The following ZNF800 variants were observed in gnomAD, a reference collection of about 807,000 sequenced individuals.
ZNF800 encodes the protein zinc finger protein 800.
A neutral mutation model predicts 59.5 loss-of-function variants in ZNF800; 13 were observed. That is an observed-to-expected ratio of 0.22 (90% confidence interval 0.14 to 0.35). The LOEUF (loss-of-function observed/expected upper bound fraction) is 0.35. Ranked by LOEUF, ZNF800 falls within the 10% of genes least tolerant of loss-of-function variation. ZNF800 has a pLI of 1.00. For missense variants in ZNF800, 621 were observed against 783.7 expected (o/e 0.79, Z 2.48); for synonymous variants, 266 against 265.7 (o/e 1.00, Z -0.01).
At position 127,377,202 on chromosome 7, in the gene ZNF800, A is replaced by G. The variant is rs1191167063; in HGVS notation, c.285T>C (p.Ser95=). 17 of 1,611,136 alleles carry G rather than the reference A, an allele frequency of 1.1e-5. No individual in the cohort carries two copies. Among genetic ancestry groups the G allele is most frequent in the Admixed American group, 1.7e-5 (1 of 59,776 alleles). Residue 95 remains serine, a synonymous_variant, in exon 4 of 6, where the codon AGT becomes AGC. Transcript: ENST00000265827. The surrounding 1 kb of genome is among the most constrained non-coding windows in gnomAD (Gnocchi z 4.7). ...ITHKKFYCPP[S]LQMDDNLPDV... ...AAAACTTACTGTCATCCATCTGGAGACTTGGTGGGCAGTAGAATTTTTTAT... is the reference window on the plus strand; with the variant it reads ...AAAACTTACTGTCATCCATCTGGAGGCTTGGTGGGCAGTAGAATTTTTTAT...
intron 2 of ZNF800, 149 bp from the exon 3 acceptor site, chr7:127,386,304 G>GAT (rs751355059): frequency 5.9e-5 from 26 of 436,998 alleles, no homozygotes; most frequent in East Asian, 1.8e-4. Flanking sequence ...ATAATATGTA[G>GAT]ATATATATAT....
In ZNF800 at chr7:127,374,387, A is replaced by G. The variant is rs1399885341; in HGVS notation, c.949T>C (p.Ser317Pro). Residue 317 changes from serine (S) to proline (P), a missense_variant, in exon 5 of 6, where the codon TCA (serine) becomes CCA (proline). Physicochemically the swap from Ser to Pro is moderately conservative, Grantham distance 74 (BLOSUM62 -1). Transcript: ENST00000265827. Reference sequence around the variant, plus strand: ...TTTGTTGCTATATCAGGAGTAATTGAATCCCTCCTTAGTCCTCTATGAACT... The same window carrying G: ...TTTGTTGCTATATCAGGAGTAATTGGATCCCTCCTTAGTCCTCTATGAACT... ...DEVHRGLRRD[S>P]ITPDIATKPG... 6.2e-7 allele frequency: 1 copy of G among 1,613,928 alleles called. No homozygotes were observed.
Position 127,392,123 on chromosome 7 carries a change from G to A in ZNF800, c.-122C>T. The A allele has an allele frequency of 2.5e-6, 1 of 394,174 alleles. No homozygotes were observed. Among genetic ancestry groups the A allele is most frequent in the Non-Finnish European group, 4.5e-6 (1 of 223,396 alleles). 24.4% of individuals were successfully genotyped at this position (394,174 alleles called of 1,614,324 possible). On this transcript the variant is annotated 5_prime_UTR_variant, in exon 1 of 6. Coordinates refer to ENST00000265827, the MANE Select transcript of ZNF800 (RefSeq NM_176814.5). ...GGAAGGCAGGCCGGGCGGCCGCGGGGACAGCCTGGCGTGGGAGGCGGCTGC... is the reference window on the plus strand; with the variant it reads ...GGAAGGCAGGCCGGGCGGCCGCGGGAACAGCCTGGCGTGGGAGGCGGCTGC...
rs778571409 is a variant in ZNF800, at chr7:127,386,170, A to AAC, written c.62-17_62-16dup. The AAC allele has an allele frequency of 9.9e-6, 15 of 1,519,392 alleles. No individual in the cohort carries two copies. The East Asian group carries it at 3.2e-4, about 32-fold the overall frequency. The allele number at this position is 1,519,392 out of a possible 1,614,324, so 94.1% of individuals were successfully genotyped here. A position where few individuals can be genotyped will look rare whatever the true frequency, so the allele number is the denominator to read the frequency against. The stretch of plus-strand genomic sequence containing the variant: ...CAGGATATAAACTACATGGAAGACA[A>AAC]ACACCCACCCCAATCCCCACAAAAA... On this transcript the variant is annotated splice_polypyrimidine_tract_variant and intron_variant, in intron 2 of 5. Coordinates refer to ENST00000265827, the MANE Select transcript of ZNF800 (RefSeq NM_176814.5).
At position 127,374,665 on chromosome 7, in the gene ZNF800, G is replaced by C. The variant is rs763640734; in HGVS notation, c.671C>G (p.Ser224Cys). The change falls in exon 5 of 6, where the codon TCT (serine) becomes TGT (cysteine). Residue 224 changes from serine to cysteine, a missense_variant. Around this residue, in one of 7 missense-constraint regions of ZNF800, gnomAD observed 218 missense variants for 230.8 expected, o/e 0.94. Coordinates refer to ENST00000265827, the MANE Select transcript of ZNF800 (RefSeq NM_176814.5). ...SQADLETSDN[S>C]DFGHQLICCL... Reference sequence around the variant, plus strand: ...ACATATCAACTGGTGACCAAAATCAGAATTGTCAGAAGTTTCCAAGTCAGC... The same window carrying C: ...ACATATCAACTGGTGACCAAAATCACAATTGTCAGAAGTTTCCAAGTCAGC... 4.3e-6 allele frequency: 7 copies of C among 1,613,912 alleles called. No individual in the cohort carries two copies. The African/African-American group carries it at 9.3e-5, about 22-fold the overall frequency.
downstream of ZNF800, among the ~76,000 whole-genome samples, chr7:127,366,658 A>T (rs1008922370): frequency 6.6e-6 from 1 of 152,188 alleles, no homozygotes; most frequent in Non-Finnish European, 1.5e-5. Context: ...AAAGAAAAAC[A>T]TGTATACTGG....
chr7:127,382,646 T>C (rs1801009983), intron 3 of ZNF800, among the ~76,000 whole-genome samples: 1 of 152,086 alleles, frequency 6.6e-6, no homozygotes, highest in Non-Finnish European at 1.5e-5. Flanking sequence ...GTGGAAAACC[T>C]GCAGCTGCAA....
chr7:127,370,330 T>C lies in ZNF800; in HGVS notation c.*1484A>G, dbSNP rs1485932619. ...AATAAAACATTTAAGTTTCAACCAATGCACCTTTGCTGAAGCACATTTAGC... is the reference window on the plus strand; with the variant it reads ...AATAAAACATTTAAGTTTCAACCAACGCACCTTTGCTGAAGCACATTTAGC... On this transcript the variant is annotated 3_prime_UTR_variant, in exon 6 of 6. Coordinates refer to ENST00000265827, the MANE Select transcript of ZNF800 (RefSeq NM_176814.5). 6.6e-6 allele frequency: 1 copy of C among 152,618 alleles called. No individual in the cohort carries two copies. The highest frequency in any genetic ancestry group is 1.5e-5 in the Non-Finnish European group (1 of 67,998). The allele number at this position is 152,618 out of a possible 1,614,324, so 9.5% of individuals were successfully genotyped here.
chr7:127,373,521 G>T lies in ZNF800; in HGVS notation c.1815C>A (p.Val605=). The T allele has an allele frequency of 1.2e-6, 2 of 1,614,028 alleles. No individual in the cohort carries two copies. Among genetic ancestry groups the T allele is most frequent in the Non-Finnish European group, 1.7e-6 (2 of 1,180,012 alleles). Residue 605 remains valine (V), a synonymous_variant, in exon 5 of 6, where the codon GTC becomes GTA. Transcript: ENST00000265827. ...SPSKKYEVAD[V]GIEVKVTKNF... is the part of the protein sequence containing the mutation. ...TTTTTGTGACTTTTACTTCAATACC[G>T]ACGTCAGCTACTTCATACTTTTTAC...
At position 127,386,350 on chromosome 7, in the gene ZNF800, A is replaced by C. The variant is rs571140012; in HGVS notation, c.62-195T>G. Among the ~76,000 whole-genome samples the C allele has an allele frequency of 2.0e-5, 3 of 152,220 alleles. No individual in the cohort carries two copies. The South Asian group carries it at 6.2e-4, about 31-fold the overall frequency. Reference sequence around the variant, plus strand: ...CATCTTTGTAAGGCAAAATGAAACAATGGAGAAAAAAACTAAAACTATTCT... The same window carrying C: ...CATCTTTGTAAGGCAAAATGAAACACTGGAGAAAAAAACTAAAACTATTCT... On this transcript the variant is annotated intron_variant, in intron 2 of 5. Transcript: ENST00000265827.
intron 3 of ZNF800, 37 bp downstream of exon 3, chr7:127,386,023 T>A: frequency 6.9e-7 from 1 of 1,451,402 alleles, no homozygotes; most frequent in South Asian, 1.2e-5. Flanking sequence ...TTAACTACTA[T>A]GTGAAGATTG....
downstream of ZNF800, among the ~76,000 whole-genome samples, chr7:127,344,478 C>T (rs1329017343): frequency 6.6e-6 from 1 of 151,892 alleles, no homozygotes; most frequent in African/African-American, 2.4e-5. Context: ...CAATTCCAAA[C>T]AAAATGGCAA....
At chr7:127,369,325 CTCTT>C (rs1193195606), downstream of ZNF800, among the ~76,000 whole-genome samples, 1 of 152,064 alleles carries the variant, frequency 6.6e-6, no homozygotes, top group Admixed American at 6.6e-5. Flanking sequence ...TTTCTGATGG[CTCTT>C]TGTGTGCTGT....
rs752496744 is a variant in ZNF800 at position 127,373,567 on chromosome 7, T to C, written c.1769A>G (p.Asp590Gly). The change falls in exon 5 of 6, where the codon GAT becomes GGT. Residue 590 changes from aspartate (D) to glycine (G), a missense_variant. Transcript: ENST00000265827. Reference sequence around the variant, plus strand: ...TTTACTAGGAGAGTTAGAAGTGCCATCATGTTTTGAATCACTATGTTTTGC... The same window carrying C: ...TTTACTAGGAGAGTTAGAAGTGCCACCATGTTTTGAATCACTATGTTTTGC... ...DEAKHSDSKH[D>G]GTSNSPSKKY... 23 of 1,614,054 alleles carry C rather than the reference T, an allele frequency of 1.4e-5. No individual in the cohort carries two copies. The highest frequency in any genetic ancestry group is 1.9e-5 in the Non-Finnish European group (22 of 1,180,030).
chr7:127,392,256 C>A lies in ZNF800; in HGVS notation c.-255G>T. On this transcript the variant is annotated 5_prime_UTR_variant, in exon 1 of 6. Transcript: ENST00000265827. ...GCGCTGACGCGGAAGCGCCACAGCTCACCACGTCCCTCCGCGGGCCGAGAC... is the reference window on the plus strand; with the variant it reads ...GCGCTGACGCGGAAGCGCCACAGCTAACCACGTCCCTCCGCGGGCCGAGAC... 1 of 393,394 alleles carries A rather than the reference C, an allele frequency of 2.5e-6. No individual in the cohort carries two copies. 24.4% of individuals were successfully genotyped at this position (393,394 alleles called of 1,614,324 possible).
At chr7:127,372,688 T>A in intron 5 of ZNF800, 1 of 985,000 alleles carries the variant, frequency 1.0e-6, no homozygotes, top group Non-Finnish European at 1.2e-6. Flanking sequence ...AAACAGTAAC[T>A]AACACACACT....
At chr7:127,355,090 T>C (rs984180896) in intron 1 of ZNF800, among the ~76,000 whole-genome samples, 4 of 151,688 alleles carry the variant, frequency 2.6e-5, no homozygotes, top group African/African-American at 9.7e-5. Context: ...TGTGGTAGAG[T>C]TTCAAAATTG....
intron 4 of ZNF800, among the ~76,000 whole-genome samples, chr7:127,375,240 C>T (rs1036048596): frequency 5.3e-5 from 8 of 151,966 alleles, no homozygotes; most frequent in Non-Finnish European, 1.2e-4. Context: ...TCATGATACA[C>T]AAAAATGTTA....
rs1230048031 is a variant in ZNF800 at position 127,391,412 on chromosome 7, G to A, written c.61+85C>T. 19 of 1,295,742 alleles carry A rather than the reference G, an allele frequency of 1.5e-5. No homozygotes were observed. The Admixed American group carries it at 3.0e-4, about 21-fold the overall frequency. The allele number at this position is 1,295,742 out of a possible 1,614,324, so 80.3% of individuals were successfully genotyped here. ...AGCCTGCTTAAGAATGACTACTGGG[G>A]CAGGAGGAAAAAAAGCTAGAAAAAA... is the stretch of plus-strand genomic sequence containing the variant. On this transcript the variant is annotated intron_variant, in intron 2 of 5. Coordinates refer to ENST00000265827, the MANE Select transcript of ZNF800 (RefSeq NM_176814.5).
Sources: allele counts gnomAD v4.1 joint callset (sites outside exome capture counted in the v4.1 genomes callset), GRCh38; gene constraint gnomAD v4.1.1; regional missense constraint gnomAD v4.1.1; non-coding constraint Gnocchi (gnomAD v3.1); transcripts MANE v1.5; gene names NCBI Gene and HGNC (gene_info 2026-07-23, HGNC 2026-07-21).